EEF1AKMT4: variants seen among roughly 807,000 people sequenced by gnomAD.
EEF1AKMT4 encodes EEF1A lysine methyltransferase 4, also known as eukaryotic translation elongation factor 1 alpha lysine specific methyltransferase 4.
Under a neutral mutation model 23.0 loss-of-function variants are expected in EEF1AKMT4, and 17 were observed. The observed-to-expected ratio is 0.74, with a 90% CI of 0.51 to 1.11. EEF1AKMT4 has a LOEUF of 1.11. Ranked by LOEUF, EEF1AKMT4 falls within the 50% of genes least tolerant of loss-of-function variation. The probability of loss-of-function intolerance (pLI) is 0.00; values close to 1 mark genes in which losing one functional copy is unlikely to be tolerated. For synonymous variants in EEF1AKMT4, 140 were observed against 141.4 expected (o/e 0.99, Z 0.07); for missense variants, 318 against 333.4 (o/e 0.95, Z 0.36).
At chr3:184,251,700 TCAAAA>T (rs1384709455) in intron 1 of EEF1AKMT4, among the ~76,000 whole-genome samples, 4 of 152,260 alleles carry the variant, frequency 2.6e-5, no homozygotes, top group Admixed American at 6.5e-5. Flanking sequence ...AGACCCTGTC[TCAAAA>T]CAAAGCAAAA....
intron 1 of EEF1AKMT4, among the ~76,000 whole-genome samples, chr3:184,251,412 A>G (rs1048453688): frequency 6.6e-6 from 1 of 152,154 alleles, no homozygotes; most frequent in African/African-American, 2.4e-5. Flanking sequence ...ACGTGCCTGT[A>G]ATCCCAGGTA....
chr3:184,250,433 C>T (rs1375273272), intron 1 of EEF1AKMT4, among the ~76,000 whole-genome samples: 1 of 152,178 alleles, frequency 6.6e-6, no homozygotes, highest in Non-Finnish European at 1.5e-5. Context: ...GTGAGAACAG[C>T]ACCCTCTAGG....
At chr3:184,256,272 CA>C (rs59087969) in intron 1 of EEF1AKMT4, among the ~76,000 whole-genome samples, 48 of 54,198 alleles carry the variant, frequency 8.9e-4, no homozygotes, top group African/African-American at 9.9e-4. Context: ...AACTCCATCT[CA>C]AAAAAAAAAA....
intron 1 of EEF1AKMT4, among the ~76,000 whole-genome samples, chr3:184,251,594 T>C (rs1390956926): frequency 6.6e-6 from 1 of 151,910 alleles, no homozygotes; most frequent in Non-Finnish European, 1.5e-5. Flanking sequence ...TCCGAGTTAC[T>C]CAAGAGGCTG....
At chr3:184,253,862 G>T (rs752493807) in intron 1 of EEF1AKMT4, among the ~76,000 whole-genome samples, 3 of 151,960 alleles carry the variant, frequency 2.0e-5, no homozygotes, top group Non-Finnish European at 4.4e-5. Context: ...TAGAGACGGG[G>T]TTTCACCATG....
At chr3:184,254,146 T>C (rs1170273526) in intron 1 of EEF1AKMT4, among the ~76,000 whole-genome samples, 1 of 152,206 alleles carries the variant, frequency 6.6e-6, no homozygotes, top group East Asian at 1.9e-4. Flanking sequence ...GTTGGAAGAC[T>C]CGTGTGTCTG....
chr3:184,250,011 G>T (rs2942052), intron 1 of EEF1AKMT4, 121 bp downstream of exon 1: 10 of 1,076,772 alleles, frequency 9.3e-6, no homozygotes, highest in Non-Finnish European at 1.3e-5. Context: ...GCGTTGGGAC[G>T]CGAGATCCAG....
rs773498710 is a variant in EEF1AKMT4, at chr3:184,258,406, A to G, written c.599A>G (p.Tyr200Cys). ...YYGWSLRHAT[Y>C]GSGFHFHLYL... The stretch of plus-strand genomic sequence containing the variant: ...GGCTGGTCCCTGAGGCATGCTACCT[A>G]TGGCAGCGGTTTCCACTTCCATCTC... Residue 200 changes from tyrosine (Y) to cysteine (C), a missense_variant, in exon 3 of 3, where the codon TAT (tyrosine) becomes TGT (cysteine). Coordinates refer to ENST00000324557, the MANE Select transcript of EEF1AKMT4 (RefSeq NM_032331.4). 87 of 1,613,734 alleles carry G rather than the reference A, an allele frequency of 5.4e-5. 1 individual carries two copies. The South Asian group carries it at 8.8e-4, about 16-fold the overall frequency.
intron 1 of EEF1AKMT4, among the ~76,000 whole-genome samples, chr3:184,255,415 G>A (rs1309465419): frequency 6.6e-6 from 1 of 152,218 alleles, no homozygotes; most frequent in Non-Finnish European, 1.5e-5. Context: ...CTGCCTCTGG[G>A]TACATTGTCC....
chr3:184,257,412 A>C (rs1039018115), intron 1 of EEF1AKMT4, 61 bp from the exon 2 acceptor site: 22 of 1,510,546 alleles, frequency 1.5e-5, no homozygotes, highest in Non-Finnish European at 2.0e-5. Flanking sequence ...ATGGATATTC[A>C]GGGGGAGGTG....
intron 1 of EEF1AKMT4, among the ~76,000 whole-genome samples, chr3:184,252,392 T>G (rs1169182193): frequency 6.6e-6 from 1 of 152,178 alleles, no homozygotes; most frequent in Admixed American, 6.5e-5. Context: ...TACGTTACAT[T>G]CCACCTCAAC....
chr3:184,257,412 A>AG (rs1024884092), intron 1 of EEF1AKMT4, 61 bp from the exon 2 acceptor site: 74 of 1,510,544 alleles, frequency 4.9e-5, no homozygotes, highest in Admixed American at 1.8e-4. Context: ...ATGGATATTC[A>AG]GGGGGAGGTG....
At chr3:184,257,387 C>T (rs867039329) in intron 1 of EEF1AKMT4, 86 bp from the exon 2 acceptor site, 20 of 1,381,722 alleles carry the variant, frequency 1.4e-5, no homozygotes, top group Admixed American at 1.4e-4. Context: ...TGAGAGAAAA[C>T]GGGGCCAAGA....
At chr3:184,251,259 G>A (rs1417968737) in intron 1 of EEF1AKMT4, among the ~76,000 whole-genome samples, 2 of 152,082 alleles carry the variant, frequency 1.3e-5, no homozygotes, top group African/African-American at 4.8e-5. Context: ...TTAGGCCAGA[G>A]CAGTGGCTTA....
Position 184,252,678 on chromosome 3 carries a change from C to T in EEF1AKMT4, c.196+2788C>T, listed in dbSNP as rs192610622. 3.9e-3 allele frequency among the ~76,000 whole-genome samples: 596 copies of T among 152,222 alleles called. 4 individuals carry two copies. Among genetic ancestry groups the T allele is most frequent in the African/African-American group, 0.014 (563 of 41,524 alleles). The stretch of plus-strand genomic sequence containing the variant: ...TGAATGATGGCCGGGCAGGGTGGCT[C>T]ACGCCTGTAATCCCACCACTTTGGG... On this transcript the variant is annotated intron_variant, in intron 1 of 2. Coordinates refer to ENST00000324557, the MANE Select transcript of EEF1AKMT4 (RefSeq NM_032331.4).
chr3:184,258,544 A>C lies in EEF1AKMT4; in HGVS notation c.737A>C (p.His246Pro), dbSNP rs889523674. ...TSPCFLQDSD[H>P]EDFLSAIQL ...CCTTGCTTCCTTCAGGACTCAGATCATGAGGACTTCCTTAGTGCCATTCAG... is the reference window on the plus strand; with the variant it reads ...CCTTGCTTCCTTCAGGACTCAGATCCTGAGGACTTCCTTAGTGCCATTCAG... Residue 246 changes from histidine to proline, a missense_variant, in exon 3 of 3, where the codon CAT becomes CCT. Physicochemically the swap from His to Pro is moderately conservative, Grantham distance 77. Coordinates refer to ENST00000324557, the MANE Select transcript of EEF1AKMT4 (RefSeq NM_032331.4). 2.6e-5 allele frequency: 42 copies of C among 1,604,262 alleles called. No individual in the cohort carries two copies. The highest frequency in any genetic ancestry group is 3.5e-5 in the Non-Finnish European group (41 of 1,174,892).
rs1323434417 is a variant in EEF1AKMT4, at chr3:184,258,456, C to A, written c.649C>A (p.Leu217Ile). Residue 217 changes from leucine to isoleucine, a missense_variant, in exon 3 of 3, where the codon CTC (leucine) becomes ATC (isoleucine). Transcript: ENST00000324557. Reference sequence around the variant, plus strand: ...CTACCTCATGCACAAGGGCGGGAAGCTCAGTGTGGCCCAGCTGGCTCTGGG... The same window carrying A: ...CTACCTCATGCACAAGGGCGGGAAGATCAGTGTGGCCCAGCTGGCTCTGGG... The part of the protein sequence containing the change: ...HLYLMHKGGK[L>I]SVAQLALGAQ... 6.2e-7 allele frequency: 1 copy of A among 1,613,922 alleles called. No individual in the cohort carries two copies. The highest frequency in any genetic ancestry group is 1.7e-5 in the Admixed American group (1 of 59,996).
intron 1 of EEF1AKMT4, among the ~76,000 whole-genome samples, chr3:184,255,051 T>A (rs1448171156): frequency 6.6e-6 from 1 of 152,234 alleles, no homozygotes; most frequent in Admixed American, 6.5e-5. Flanking sequence ...GACCAGCTTT[T>A]GTTTCCCCTT....
At chr3:184,250,012 C>A in intron 1 of EEF1AKMT4, 122 bp downstream of exon 1, 1 of 1,077,094 alleles carries the variant, frequency 9.3e-7, no homozygotes, top group Non-Finnish European at 1.3e-6. Context: ...CGTTGGGACG[C>A]GAGATCCAGC....
Sources: gnomAD v4.1 joint callset for allele counts (sites outside exome capture counted in the v4.1 genomes callset) on GRCh38, gnomAD v4.1.1 for gene constraint, MANE v1.5 for transcripts, NCBI Gene and HGNC (gene_info 2026-07-23, HGNC 2026-07-21) for gene names.